Variants in GABRB1 observed in about 807,000 individuals in gnomAD.
GABRB1 encodes gamma-aminobutyric acid receptor subunit beta-1.
In GABRB1, 17 loss-of-function variants were observed where a neutral mutation model predicts 51.6. That is an observed-to-expected ratio of 0.33 (90% CI 0.23 to 0.49). GABRB1 has a LOEUF of 0.49. GABRB1 is among the 20% of genes least tolerant of loss of function. The pLI is 0.99. For synonymous variants in GABRB1, 247 were observed against 218.9 expected (o/e 1.13, Z -1.14); for missense variants, 410 against 600.6 (o/e 0.68, Z 3.32).
chr4:47,024,565 T>C (rs1032800586), intron 1 of GABRB1, among the ~76,000 whole-genome samples: 1 of 151,946 alleles, frequency 6.6e-6, no homozygotes, highest in Admixed American at 6.6e-5. Flanking sequence ...AGGATAGTTT[T>C]ATTTTTAAAA....
chr4:47,028,871 C>A (rs1016515493), upstream of GABRB1, among the ~76,000 whole-genome samples: 31 of 142,734 alleles, frequency 2.2e-4, no homozygotes, highest in Non-Finnish European at 3.0e-4. Flanking sequence ...GGTATATATA[C>A]CATATATATA....
At chr4:47,198,968 G>T (rs6818253) in intron 4 of GABRB1, among the ~76,000 whole-genome samples, 105,069 of 151,968 alleles carry the variant, frequency 0.69, 37,065 homozygotes, top group Middle Eastern at 0.86. Flanking sequence ...GCACTATCAT[G>T]AGAACAGCAT....
chr4:47,176,544 C>T (rs1306923548), intron 4 of GABRB1, among the ~76,000 whole-genome samples: 3 of 151,906 alleles, frequency 2.0e-5, no homozygotes, highest in East Asian at 1.9e-4. Flanking sequence ...TGCCTGTAGA[C>T]GTGTAAGTGG....
intron 1 of GABRB1, among the ~76,000 whole-genome samples, chr4:47,005,390 C>T (rs1044190366): frequency 1.2e-4 from 18 of 152,146 alleles, no homozygotes; most frequent in African/African-American, 4.3e-4. Flanking sequence ...CGCACTCCAG[C>T]ATGGGCGACA....
chr4:47,187,270 A>G (rs942199597), intron 4 of GABRB1, among the ~76,000 whole-genome samples: 1 of 151,936 alleles, frequency 6.6e-6, no homozygotes, highest in East Asian at 1.9e-4. Flanking sequence ...AAGTCACTCA[A>G]TATTATTAAG....
In GABRB1 at chr4:47,235,224, T is replaced by C. The variant is rs147426490; in HGVS notation, c.461+73755T>C. ...AGAAATTTAGCAGTTAAAATTTCCA[T>C]GTGCAAAACCCTCCATTGTGCCTTA... On this transcript the variant is annotated intron_variant, in intron 4 of 8. Coordinates refer to ENST00000295454, the MANE Select transcript of GABRB1 (RefSeq NM_000812.4). 3.7e-3 allele frequency among the ~76,000 whole-genome samples: 566 copies of C among 152,236 alleles called. 2 individuals are homozygous for C. The highest frequency in any genetic ancestry group is 4.5e-3 in the Non-Finnish European group (304 of 67,996).
At chr4:47,199,746 G>T (rs1719826402) in intron 4 of GABRB1, among the ~76,000 whole-genome samples, 1 of 152,110 alleles carries the variant, frequency 6.6e-6, no homozygotes, top group African/African-American at 2.4e-5. Flanking sequence ...TAGGTGAACA[G>T]TTTGCTAAAT....
chr4:47,382,448 A>G (rs1459869279), intron 5 of GABRB1, among the ~76,000 whole-genome samples: 1 of 152,180 alleles, frequency 6.6e-6, no homozygotes, highest in Non-Finnish European at 1.5e-5. Flanking sequence ...ACTTGGAAGC[A>G]TTCTTCTAAG....
chr4:47,006,984 CA>C (rs1483689850), intron 1 of GABRB1, among the ~76,000 whole-genome samples: 1 of 151,774 alleles, frequency 6.6e-6, no homozygotes, highest in Non-Finnish European at 1.5e-5. Flanking sequence ...GCAAAGCCTA[CA>C]AAAAATTAGC....
At chr4:47,000,377 C>A (rs181647251) in intron 1 of GABRB1, among the ~76,000 whole-genome samples, 1 of 152,276 alleles carries the variant, frequency 6.6e-6, no homozygotes, top group East Asian at 1.9e-4. Flanking sequence ...GCAAATATTG[C>A]AAAATGTTAA....
At chr4:47,308,110 C>T (rs924502009) in intron 4 of GABRB1, among the ~76,000 whole-genome samples, 1 of 151,858 alleles carries the variant, frequency 6.6e-6, no homozygotes, top group Non-Finnish European at 1.5e-5. Context: ...GTTTTAGCTT[C>T]GTTTTAAACT....
chr4:47,399,248 GTTAAAC>G (rs907183335), intron 5 of GABRB1, among the ~76,000 whole-genome samples: 3 of 152,110 alleles, frequency 2.0e-5, no homozygotes, highest in Non-Finnish European at 4.4e-5. Flanking sequence ...ATTTTCTAAT[GTTAAAC>G]TTAGAATAAA....
At chr4:47,172,948 A>G (rs1466284751) in intron 4 of GABRB1, among the ~76,000 whole-genome samples, 1 of 152,048 alleles carries the variant, frequency 6.6e-6, no homozygotes, top group Non-Finnish European at 1.5e-5. Flanking sequence ...CTTTTTAATA[A>G]AGACAGGGAT....
intron 4 of GABRB1, among the ~76,000 whole-genome samples, chr4:47,195,394 T>TA (rs1320589544): frequency 1.5e-4 from 14 of 92,152 alleles, no homozygotes; most frequent in African/African-American, 4.7e-4. Flanking sequence ...GATAGATAGA[T>TA]GATAGATAGA....
At chr4:47,007,303 G>T (rs959354603) in intron 1 of GABRB1, among the ~76,000 whole-genome samples, 1 of 152,174 alleles carries the variant, frequency 6.6e-6, no homozygotes, top group Non-Finnish European at 1.5e-5. Flanking sequence ...AAGTGATAAA[G>T]AGGTAAACCT....
chr4:47,385,801 A>G (rs1727772218), intron 5 of GABRB1, among the ~76,000 whole-genome samples: 1 of 152,122 alleles, frequency 6.6e-6, no homozygotes, highest in Admixed American at 6.5e-5. Flanking sequence ...TTAGCTTCAA[A>G]TCAGGGGCTC....
chr4:47,069,187 T>C (rs1727208147), intron 3 of GABRB1, among the ~76,000 whole-genome samples: 2 of 152,206 alleles, frequency 1.3e-5, no homozygotes, highest in African/African-American at 4.8e-5. Flanking sequence ...TCTGTTACCA[T>C]GTTAAATATA....
intron 5 of GABRB1, among the ~76,000 whole-genome samples, chr4:47,398,585 G>C (rs1390603327): frequency 4.6e-5 from 7 of 152,138 alleles, no homozygotes; most frequent in Admixed American, 6.5e-5. Flanking sequence ...GAGACAGAGA[G>C]AGAGACAGAG....
intron 3 of GABRB1, among the ~76,000 whole-genome samples, chr4:47,089,009 C>T (rs895683218): frequency 1.5e-4 from 23 of 152,292 alleles, no homozygotes; most frequent in Non-Finnish European, 2.6e-4. Flanking sequence ...TGCCAATTCC[C>T]AGGATTTTTA....
Sources: allele counts gnomAD v4.1 joint callset (sites outside exome capture counted in the v4.1 genomes callset), GRCh38; gene constraint gnomAD v4.1.1; transcripts MANE v1.5; gene names NCBI Gene and HGNC (gene_info 2026-07-23, HGNC 2026-07-21).